Variants in DGCR8 observed in about 807,000 individuals in gnomAD.
DGCR8 encodes DGCR8 microprocessor complex subunit.
DGCR8 carries 14 observed loss-of-function variants against 78.5 expected under a neutral mutation model. The ratio of observed to expected loss-of-function variants is 0.18; its 90% CI spans 0.12 to 0.28. The LOEUF (loss-of-function observed/expected upper bound fraction) is 0.28. DGCR8 is among the 10% of genes least tolerant of loss of function. The pLI is 1.00. For synonymous variants in DGCR8, 399 were observed against 402.4 expected, an observed-to-expected ratio of 0.99 and a Z score of 0.10; for missense variants, 702 against 1,022.5, an observed-to-expected ratio of 0.69 and a Z score of 4.28.
intron 9 of DGCR8, chr22:20,101,657 C>T (rs1349628177): frequency 1.2e-5 from 12 of 985,236 alleles, no homozygotes; most frequent in South Asian, 9.4e-5. Flanking sequence ...CTTTTCCCTC[C>T]GTTGTAGGGT....
In DGCR8 at chr22:20,086,216, C is replaced by T. The variant is rs375340214; in HGVS notation, c.253C>T (p.Leu85Phe). The T allele has an allele frequency of 5.6e-6, 9 of 1,614,076 alleles. No homozygotes were observed. The highest frequency in any genetic ancestry group is 5.9e-6 in the Non-Finnish European group (7 of 1,180,046). ...CAAAGGATCCTTCTCTAAGGGCCGCCTCCTCATAGACCCGAACTGTAGTGG... is the reference window on the plus strand; with the variant it reads ...CAAAGGATCCTTCTCTAAGGGCCGCTTCCTCATAGACCCGAACTGTAGTGG... ...LSKGSFSKGR[L>F]LIDPNCSGHS... The change falls in exon 2 of 14, where the codon CTC becomes TTC. Residue 85 changes from leucine to phenylalanine, a missense_variant. Physicochemically the swap from Leu to Phe is conservative, Grantham distance 22. Coordinates refer to ENST00000351989, the MANE Select transcript of DGCR8 (RefSeq NM_022720.7). This position sits in a 1 kb window ranked among gnomAD's most constrained non-coding sequence, Gnocchi z 6.4.
intron 3 of DGCR8, among the ~76,000 whole-genome samples, chr22:20,088,101 G>A (rs2049510103): frequency 6.6e-6 from 1 of 152,166 alleles, no homozygotes; most frequent in Admixed American, 6.5e-5. Context: ...GCGACTGGGA[G>A]CAAAGCAAGG....
chr22:20,106,453 G>T, intron 10 of DGCR8, 139 bp from the exon 11 acceptor site: 1 of 820,552 alleles, frequency 1.2e-6, no homozygotes, highest in Non-Finnish European at 2.0e-6. Context: ...CGGGCGTGTG[G>T]AGAATTCCCT....
intron 5 of DGCR8, among the ~76,000 whole-genome samples, chr22:20,090,534 C>T (rs553065102): frequency 2.0e-5 from 3 of 152,300 alleles, no homozygotes; most frequent in East Asian, 3.9e-4. Context: ...GCCGTTTTCT[C>T]TCTGGTTGTT....
chr22:20,105,293 C>A (rs1210285424), intron 9 of DGCR8, among the ~76,000 whole-genome samples: 1 of 152,188 alleles, frequency 6.6e-6, no homozygotes. Context: ...CTAGAGGCTT[C>A]TGAAAGAGGA....
intron 5 of DGCR8, 30 bp from the exon 6 acceptor site, chr22:20,091,405 T>C (rs1192209878): frequency 6.2e-7 from 1 of 1,611,960 alleles, no homozygotes; most frequent in African/African-American, 1.3e-5. Flanking sequence ...GGAAGTTAAG[T>C]AATTTGTTTC....
chr22:20,086,567 T>A lies in DGCR8; in HGVS notation c.604T>A (p.Leu202Ile). 6.2e-7 allele frequency: 1 copy of A among 1,613,234 alleles called. No homozygotes were observed. The highest frequency in any genetic ancestry group is 1.1e-5 in the South Asian group (1 of 91,036). ...KRVEYAVLDE[L>I]EDFTDNLELD... ...AGTGGAGTATGCAGTGCTCGATGAG[T>A]TAGAAGATTTTACTGACAATTTGGA... The change falls in exon 2 of 14, where the codon TTA (leucine) becomes ATA (isoleucine). Residue 202 changes from leucine to isoleucine, a missense_variant. Leu to Ile is a conservative substitution (Grantham distance 5). Around this residue, in one of 4 missense-constraint regions of DGCR8, gnomAD observed 356 missense variants for 448.9 expected, o/e 0.79. Coordinates refer to ENST00000351989, the MANE Select transcript of DGCR8 (RefSeq NM_022720.7). The surrounding 1 kb of genome is among the most constrained non-coding windows in gnomAD (Gnocchi z 6.4).
intron 3 of DGCR8, among the ~76,000 whole-genome samples, chr22:20,088,519 G>A (rs549739263): frequency 6.6e-6 from 1 of 152,242 alleles, no homozygotes; most frequent in South Asian, 2.1e-4. Context: ...CCCGTGGCCC[G>A]TCTCTTGCTT....
chr22:20,091,792 C>T, intron 6 of DGCR8, 77 bp from the exon 7 acceptor site: 1 of 1,506,800 alleles, frequency 6.6e-7, no homozygotes. Context: ...CCCCTAGTTA[C>T]TGACATGGTA....
chr22:20,101,868 C>A (rs764969787), intron 9 of DGCR8: 1 of 985,272 alleles, frequency 1.0e-6, no homozygotes, highest in Non-Finnish European at 1.2e-6. Context: ...GTGTGGACTC[C>A]GGAGGTGGGG....
intron 11 of DGCR8, 92 bp downstream of exon 11, chr22:20,106,790 C>A: frequency 1.1e-6 from 1 of 893,228 alleles, no homozygotes; most frequent in Non-Finnish European, 1.9e-6. Flanking sequence ...AGCTGTTGCC[C>A]TGGCATTGTC....
chr22:20,088,861 C>G (rs1331552908), intron 3 of DGCR8, among the ~76,000 whole-genome samples: 2 of 152,038 alleles, frequency 1.3e-5, no homozygotes, highest in Non-Finnish European at 2.9e-5. Flanking sequence ...TAGCTCACTA[C>G]AGCCTCAGCC....
rs2049494727 is a variant in DGCR8, at chr22:20,087,153, G to GT, written c.721-5dup. ...AGGGGCTCTGGTGTCTGAACAGCGTGTTTTGCAGGATGACTTTGACAACGA... is the reference window on the plus strand; with the variant it reads ...AGGGGCTCTGGTGTCTGAACAGCGTGTTTTTGCAGGATGACTTTGACAACGA... On this transcript the variant is annotated splice_polypyrimidine_tract_variant and intron_variant, in intron 2 of 13. Coordinates refer to ENST00000351989, the MANE Select transcript of DGCR8 (RefSeq NM_022720.7). The surrounding 1 kb of genome is among the most constrained non-coding windows in gnomAD (Gnocchi z 4.1). The GT allele has an allele frequency of 6.2e-7, 1 of 1,606,454 alleles. No individual in the cohort carries two copies. The highest frequency in any genetic ancestry group is 2.2e-5 in the East Asian group (1 of 44,744).
chr22:20,094,866 C>T (rs1024893731), intron 9 of DGCR8, 71 bp downstream of exon 9: 107 of 1,377,060 alleles, frequency 7.8e-5, no homozygotes, highest in Non-Finnish European at 1.0e-4. Flanking sequence ...TTAGTGTGAG[C>T]TGGGGGTGTC....
intron 8 of DGCR8, among the ~76,000 whole-genome samples, chr22:20,094,506 C>T (rs1361622272): frequency 6.6e-6 from 1 of 152,190 alleles, no homozygotes; most frequent in African/African-American, 2.4e-5. Context: ...CCAGTGTGGC[C>T]CGTGAGGCTT....
At chr22:20,105,464 C>T (rs2049758324) in intron 9 of DGCR8, among the ~76,000 whole-genome samples, 1 of 152,254 alleles carries the variant, frequency 6.6e-6, no homozygotes, top group African/African-American at 2.4e-5. Context: ...ACCCAGGAGG[C>T]ACTCTCAGCT....
chr22:20,107,248 A>G (rs1007161209), intron 11 of DGCR8, 23 bp from the exon 12 acceptor site: 9 of 1,614,000 alleles, frequency 5.6e-6, no homozygotes, highest in African/African-American at 1.3e-5. Context: ...CCCCCTCTCC[A>G]TGCTTGCTCT....
Position 20,106,575 on chromosome 22 carries a change from T to C in DGCR8, c.1890-17T>C. 2 of 1,590,848 alleles carry C rather than the reference T, an allele frequency of 1.3e-6. No individual in the cohort carries two copies. Among genetic ancestry groups the C allele is most frequent in the Non-Finnish European group, 1.7e-6 (2 of 1,158,824 alleles). On this transcript the variant is annotated splice_polypyrimidine_tract_variant and intron_variant, in intron 10 of 13. Coordinates refer to ENST00000351989, the MANE Select transcript of DGCR8 (RefSeq NM_022720.7). ...TCTGCTCAGGGGACGCCATCTGTTG[T>C]CTGTTTTCTCTTAAAGAAACCATGG... is the stretch of plus-strand genomic sequence containing the variant.
At chr22:20,097,393 G>C (rs1334774391) in intron 9 of DGCR8, among the ~76,000 whole-genome samples, 1 of 152,202 alleles carries the variant, frequency 6.6e-6, no homozygotes, top group Non-Finnish European at 1.5e-5. Context: ...TCTTGAGCCA[G>C]TGTTGATAGT....
Sources: gnomAD v4.1 joint callset for allele counts (sites outside exome capture counted in the v4.1 genomes callset) on GRCh38, gnomAD v4.1.1 for gene constraint, gnomAD v4.1.1 regional missense constraint, Gnocchi (gnomAD v3.1) non-coding constraint, MANE v1.5 for transcripts, NCBI Gene and HGNC (gene_info 2026-07-23, HGNC 2026-07-21) for gene names.